CHD2: variants seen among roughly 807,000 people sequenced by gnomAD.
The protein encoded by CHD2 is ATP-dependent chromatin remodeler CHD2.
Under a neutral mutation model 243.9 loss-of-function variants are expected in CHD2, and 28 were observed. That is an observed-to-expected ratio of 0.11 (90% CI 0.09 to 0.16). The LOEUF (loss-of-function observed/expected upper bound fraction) is 0.16. Among genes scored for constraint, CHD2 ranks in the 10% least tolerant of loss-of-function variants. The pLI is 1.00. For missense variants in CHD2, 1,386 were observed against 2,209.8 expected (o/e 0.63, Z 7.47); for synonymous variants, 775 against 779.0 (o/e 0.99, Z 0.09).
At chr15:92,984,941 A>G (rs2054022895) in intron 25 of CHD2, among the ~76,000 whole-genome samples, 1 of 152,248 alleles carries the variant, frequency 6.6e-6, no homozygotes, top group Non-Finnish European at 1.5e-5. Flanking sequence ...ACAAAGCTCC[A>G]TCACAGACAC....
chr15:92,939,689 G>C lies in CHD2; in HGVS notation c.663G>C (p.Gln221His), dbSNP rs776917899. ...DDDDDEAPKRQTRRRAAKNVS... is the reference protein window; with the variant it reads ...DDDDDEAPKRHTRRRAAKNVS... ...ATGATGACGAAGCTCCCAAAAGGCAGACTCGTCGAAGAGCGGCTAAAAACG... is the reference window on the plus strand; with the variant it reads ...ATGATGACGAAGCTCCCAAAAGGCACACTCGTCGAAGAGCGGCTAAAAACG... Residue 221 changes from glutamine (Q) to histidine (H), a missense_variant, in exon 7 of 39, where the codon CAG (glutamine) becomes CAC (histidine). Gln to His is a conservative substitution (Grantham distance 24). Transcript: ENST00000394196. 3.7e-6 allele frequency: 6 copies of C among 1,613,940 alleles called. No individual in the cohort carries two copies. The highest frequency in any genetic ancestry group is 5.1e-6 in the Non-Finnish European group (6 of 1,180,012).
At chr15:92,965,735 G>T (rs2053753317) in intron 16 of CHD2, among the ~76,000 whole-genome samples, 1 of 152,124 alleles carries the variant, frequency 6.6e-6, no homozygotes, top group African/African-American at 2.4e-5. Flanking sequence ...TCCTCAGTGT[G>T]TGTAGATCAA....
Position 92,998,291 on chromosome 15 carries a change from C to T in CHD2, c.3886-208C>T. On this transcript the variant is annotated intron_variant, in intron 30 of 38. Transcript: ENST00000394196. This position sits in a 1 kb window ranked among gnomAD's most constrained non-coding sequence, Gnocchi z 5.1. ...GAGCCATTGGGAGAGCTGGATTTCT[C>T]CATCCCATTTTGTAAAATGAGAACG... 1 of 1,307,670 alleles carries T rather than the reference C, an allele frequency of 7.6e-7. No individual in the cohort carries two copies. The highest frequency in any genetic ancestry group is 9.9e-7 in the Non-Finnish European group (1 of 1,014,208). 81.0% of individuals were successfully genotyped at this position (1,307,670 alleles called of 1,614,324 possible). A position where few individuals can be genotyped will look rare whatever the true frequency, so the allele number is the denominator to read the frequency against.
At chr15:93,017,347 G>A (rs1206267307) in intron 37 of CHD2, among the ~76,000 whole-genome samples, 3 of 151,238 alleles carry the variant, frequency 2.0e-5, no homozygotes, top group Admixed American at 6.6e-5. Context: ...TTGGGAGATG[G>A]AGCCTCGCTC....
intron 35 of CHD2, among the ~76,000 whole-genome samples, chr15:93,011,396 G>A (rs919631457): frequency 6.6e-6 from 1 of 152,238 alleles, no homozygotes; most frequent in Non-Finnish European, 1.5e-5. Flanking sequence ...TCGAATTGCT[G>A]AGATGAACAG....
chr15:92,962,054 G>A (rs1345390650), intron 16 of CHD2, among the ~76,000 whole-genome samples: 2 of 151,494 alleles, frequency 1.3e-5, no homozygotes, highest in African/African-American at 4.8e-5. Flanking sequence ...GCTAATTTTT[G>A]TATTTTTAGT....
chr15:93,004,791 C>G (rs185121932), intron 34 of CHD2, 40 bp downstream of exon 34: 1 of 1,595,120 alleles, frequency 6.3e-7, no homozygotes, highest in East Asian at 2.2e-5. Flanking sequence ...TCTGCAGCCG[C>G]GGTACTTGCT....
intron 5 of CHD2, among the ~76,000 whole-genome samples, chr15:92,931,245 G>A (rs913597383): frequency 5.3e-5 from 8 of 152,090 alleles, no homozygotes; most frequent in African/African-American, 1.9e-4. Flanking sequence ...TTTTAAAAAG[G>A]GACCATTTTG....
intron 14 of CHD2, chr15:92,954,178 A>G (rs2053588966): frequency 6.5e-6 from 1 of 152,696 alleles, no homozygotes; most frequent in African/African-American, 2.4e-5. Flanking sequence ...TGTGTGCTAG[A>G]TGTTGCGCTG....
chr15:92,901,498 G>A, intron 2 of CHD2, 199 bp downstream of exon 2: 3 of 600,588 alleles, frequency 5.0e-6, no homozygotes, highest in Non-Finnish European at 9.0e-6. Context: ...TGAAAGTTGA[G>A]TTGTGACTTA....
Position 92,924,308 on chromosome 15 carries a change from C to T in CHD2, c.63-13C>T. ...CTTAAATATTTTTAAATCTCTCTCTCTCTCAAAATAAGTCACTCAGCCTCT... is the reference window on the plus strand; with the variant it reads ...CTTAAATATTTTTAAATCTCTCTCTTTCTCAAAATAAGTCACTCAGCCTCT... On this transcript the variant is annotated splice_polypyrimidine_tract_variant and intron_variant, in intron 2 of 38. Transcript: ENST00000394196. 1 of 1,608,306 alleles carries T rather than the reference C, an allele frequency of 6.2e-7. No homozygotes were observed. The highest frequency in any genetic ancestry group is 1.7e-5 in the Admixed American group (1 of 59,976).
At chr15:92,909,065 G>A (rs1290285413) in intron 2 of CHD2, among the ~76,000 whole-genome samples, 1 of 139,806 alleles carries the variant, frequency 7.2e-6, no homozygotes, top group Non-Finnish European at 1.6e-5. Flanking sequence ...GTTGCAGTTA[G>A]ATGAACTGAC....
intron 2 of CHD2, chr15:92,921,375 A>C (rs2052951810): frequency 6.6e-6 from 1 of 152,280 alleles, no homozygotes; most frequent in South Asian, 2.1e-4. Flanking sequence ...CTGAAATTGG[A>C]TGTTATCAGT....
At chr15:92,961,760 G>T (rs960062896) in intron 16 of CHD2, among the ~76,000 whole-genome samples, 1 of 151,760 alleles carries the variant, frequency 6.6e-6, no homozygotes, top group African/African-American at 2.4e-5. Flanking sequence ...CTTGATTATG[G>T]TAATTTGTAT....
intron 12 of CHD2, among the ~76,000 whole-genome samples, 198 bp from the exon 13 acceptor site, chr15:92,948,754 G>A (rs1282545639): frequency 6.6e-6 from 1 of 152,154 alleles, no homozygotes; most frequent in Non-Finnish European, 1.5e-5. Context: ...CAGGAGAATG[G>A]CGTGAACCCG....
intron 7 of CHD2, among the ~76,000 whole-genome samples, chr15:92,940,903 AATATATATAT>A (rs1164978823): frequency 1.1e-4 from 10 of 94,660 alleles, no homozygotes; most frequent in East Asian, 1.2e-3. Context: ...AATATATATA[AATATATATAT>A]AAATATACAT....
intron 37 of CHD2, among the ~76,000 whole-genome samples, chr15:93,016,682 TGAGGTGGGAGAATTTCTTAGGCCTGG>T (rs1269228567): frequency 6.9e-6 from 1 of 145,842 alleles, no homozygotes; most frequent in East Asian, 2.1e-4. Context: ...CTTGGGAGGC[TGAGGTGGGAGAATTTCTTAGGCCTGG>T]GAGGTGGAGG....
At chr15:93,019,525 G>C (rs1190700138) in intron 37 of CHD2, among the ~76,000 whole-genome samples, 2 of 152,222 alleles carry the variant, frequency 1.3e-5, no homozygotes, top group Admixed American at 6.5e-5. Flanking sequence ...TTTAATGTCT[G>C]TTTGTAACAT....
At position 92,992,828 on chromosome 15, in the gene CHD2, C is replaced by T. The variant is rs750657437; in HGVS notation, c.3456-31C>T. 23 of 1,608,648 alleles carry T rather than the reference C, an allele frequency of 1.4e-5. No homozygotes were observed. In the Admixed American group the frequency reaches 3.8e-4, roughly 27 times the overall value. The stretch of plus-strand genomic sequence containing the variant: ...ACTTAAGAAGAGTGGGCACAGGGTC[C>T]TAAAGTGTCCCCATATTTGTTCCTC... On this transcript the variant is annotated intron_variant, in intron 27 of 38. Coordinates refer to ENST00000394196, the MANE Select transcript of CHD2 (RefSeq NM_001271.4).
Sources: gnomAD v4.1 joint callset for allele counts (sites outside exome capture counted in the v4.1 genomes callset) on GRCh38, gnomAD v4.1.1 for gene constraint, Gnocchi (gnomAD v3.1) non-coding constraint, MANE v1.5 for transcripts, NCBI Gene and HGNC (gene_info 2026-07-23, HGNC 2026-07-21) for gene names.